Variants in ZBTB16 observed in about 807,000 individuals in gnomAD.
The protein encoded by ZBTB16 is zinc finger and BTB domain containing 16.
A neutral mutation model predicts 56.8 loss-of-function variants in ZBTB16; 8 were observed. That is an observed-to-expected ratio of 0.14 (90% CI 0.08 to 0.25). The LOEUF is 0.25. ZBTB16 is among the 10% of genes least tolerant of loss of function. ZBTB16 has a pLI of 1.00. For synonymous variants in ZBTB16, 363 were observed against 368.5 expected (o/e 0.98, Z 0.17); for missense variants, 625 against 903.0 (o/e 0.69, Z 3.95).
chr11:114,109,720 C>T (rs1031583702), intron 2 of ZBTB16, among the ~76,000 whole-genome samples: 22 of 152,038 alleles, frequency 1.4e-4, no homozygotes, highest in Non-Finnish European at 4.4e-5. Flanking sequence ...AGGGATTGAA[C>T]TCAGAGAGAG....
intron 4 of ZBTB16, among the ~76,000 whole-genome samples, chr11:114,215,956 C>A (rs1295474133): frequency 6.6e-6 from 1 of 152,062 alleles, no homozygotes; most frequent in African/African-American, 2.4e-5. Context: ...AATGGAAGGG[C>A]TTTTGGAGGA....
intron 2 of ZBTB16, among the ~76,000 whole-genome samples, chr11:114,078,742 G>T (rs117371594): frequency 6.6e-6 from 1 of 152,076 alleles, no homozygotes; most frequent in Non-Finnish European, 1.5e-5. Context: ...TCTAGGAGGG[G>T]GCGGGCGTGG....
At chr11:114,211,570 G>A (rs1565688340) in intron 4 of ZBTB16, among the ~76,000 whole-genome samples, 1 of 152,208 alleles carries the variant, frequency 6.6e-6, no homozygotes, top group Non-Finnish European at 1.5e-5. Context: ...ATTGTCATCA[G>A]TATCATCCTT....
At chr11:114,233,487 A>G (rs1256483266) in intron 4 of ZBTB16, among the ~76,000 whole-genome samples, 2 of 151,996 alleles carry the variant, frequency 1.3e-5, no homozygotes, top group African/African-American at 2.4e-5. Flanking sequence ...AGAAAGGGCA[A>G]CGCAGCGTAG....
At chr11:114,229,974 A>G (rs982399120) in intron 4 of ZBTB16, among the ~76,000 whole-genome samples, 3 of 152,278 alleles carry the variant, frequency 2.0e-5, no homozygotes, top group African/African-American at 4.8e-5. Context: ...GAACGCAGTG[A>G]AATCAGAATC....
At chr11:114,082,186 G>A (rs917655989) in intron 2 of ZBTB16, among the ~76,000 whole-genome samples, 33 of 152,040 alleles carry the variant, frequency 2.2e-4, no homozygotes, top group African/African-American at 8.0e-4. Context: ...TGGCTGAAGA[G>A]GGAGGATGGC....
In ZBTB16 at chr11:114,253,336, G is replaced by A. The variant is rs750695354; in HGVS notation, c.*2781G>A. 1.3e-5 allele frequency among the ~76,000 whole-genome samples: 2 copies of A among 152,114 alleles called. No individual in the cohort carries two copies. Among genetic ancestry groups the A allele is most frequent in the African/African-American group, 2.4e-5 (1 of 41,422 alleles). ...AATCTTCACAAATTGTAATATTTTT[G>A]TAGTATCTGTTAGTTCCTTCGTCAG... is the stretch of plus-strand genomic sequence containing the variant. On this transcript the variant is annotated 3_prime_UTR_variant, in exon 7 of 7. Transcript: ENST00000335953.
Position 114,064,772 on chromosome 11 carries a change from A to C in ZBTB16, c.1268+204A>C, listed in dbSNP as rs183215454. ...TGAGGGGGCCTAGGATCTTTCCAAA[A>C]AGCACCAGGGGACACTCATGGGCGC... On this transcript the variant is annotated intron_variant, in intron 2 of 6. Coordinates refer to ENST00000335953, the MANE Select transcript of ZBTB16 (RefSeq NM_006006.6). This position sits in a 1 kb window ranked among gnomAD's most constrained non-coding sequence, Gnocchi z 4.2. Among the ~76,000 whole-genome samples the C allele has an allele frequency of 1.6e-3, 251 of 152,262 alleles. 1 individual carries two copies. Among genetic ancestry groups the C allele is most frequent in the African/African-American group, 5.7e-3 (235 of 41,546 alleles).
At chr11:114,065,714 T>C (rs1401953612) in intron 2 of ZBTB16, among the ~76,000 whole-genome samples, 1 of 152,134 alleles carries the variant, frequency 6.6e-6, no homozygotes, top group Non-Finnish European at 1.5e-5. Context: ...CGTGTCCAGC[T>C]GGTAATGTCC....
intron 3 of ZBTB16, among the ~76,000 whole-genome samples, chr11:114,176,017 G>A (rs1183646670): frequency 6.6e-6 from 1 of 151,878 alleles, no homozygotes; most frequent in African/African-American, 2.4e-5. Flanking sequence ...GTGTGTGTGT[G>A]TGTGTGTATG....
rs775356488 is a variant in ZBTB16 at position 114,242,322 on chromosome 11, C to T, written c.1609C>T (p.Leu537=). 22 of 1,613,656 alleles carry T rather than the reference C, an allele frequency of 1.4e-5. No individual in the cohort carries two copies. The Middle Eastern group carries it at 1.0e-3, about 74-fold the overall frequency. The change falls in exon 5 of 7, where the codon CTG becomes TTG. Residue 537 remains leucine, a synonymous_variant. Coordinates refer to ENST00000335953, the MANE Select transcript of ZBTB16 (RefSeq NM_006006.6). The part of the protein sequence containing the change: ...FPSHTALKRH[L]RSHTGDHPYE... The stretch of plus-strand genomic sequence containing the variant: ...CAGCCACACGGCTCTCAAACGCCAC[C>T]TGCGCTCACATACAGGTAGGTCAGT...
chr11:114,238,994 C>T (rs1944650142), intron 4 of ZBTB16, among the ~76,000 whole-genome samples: 1 of 152,196 alleles, frequency 6.6e-6, no homozygotes, highest in African/African-American at 2.4e-5. Flanking sequence ...CTCTGCTCAG[C>T]CTTAGCCTGC....
At position 114,143,269 on chromosome 11, in the gene ZBTB16, C is replaced by T. The variant is rs925237370; in HGVS notation, c.1269-13068C>T. Among the ~76,000 whole-genome samples, 7 of 152,310 alleles carry T rather than the reference C, an allele frequency of 4.6e-5. No homozygotes were observed. Among genetic ancestry groups the T allele is most frequent in the Admixed American group, 1.3e-4 (2 of 15,302 alleles). On this transcript the variant is annotated intron_variant, in intron 2 of 6. Transcript: ENST00000335953. The surrounding 1 kb of genome is among the most constrained non-coding windows in gnomAD (Gnocchi z 6.4). ...CCCTCATCCATCCACTAATGCTGTG[C>T]CCTTTGCAAGGCTTGAGAATACAAG...
chr11:114,194,880 C>T (rs1157388157), intron 4 of ZBTB16, among the ~76,000 whole-genome samples: 1 of 152,154 alleles, frequency 6.6e-6, no homozygotes, highest in African/African-American at 2.4e-5. Context: ...ATTTGACACA[C>T]GGACACTATC....
At chr11:114,138,503 A>C (rs1401200051) in intron 2 of ZBTB16, among the ~76,000 whole-genome samples, 1 of 151,986 alleles carries the variant, frequency 6.6e-6, no homozygotes, top group East Asian at 1.9e-4. Flanking sequence ...TCTTTTACAT[A>C]CATATGTCTT....
intron 6 of ZBTB16, among the ~76,000 whole-genome samples, chr11:114,247,608 G>GC (rs1170761256): frequency 6.6e-6 from 1 of 152,200 alleles, no homozygotes. Context: ...TTTCCAGTGA[G>GC]CCCCCATCAG....
intron 4 of ZBTB16, among the ~76,000 whole-genome samples, chr11:114,198,924 T>C (rs1332120699): frequency 6.6e-6 from 1 of 152,210 alleles, no homozygotes; most frequent in Non-Finnish European, 1.5e-5. Context: ...CCCCAGCACA[T>C]TTTATATGAA....
chr11:114,138,505 A>T (rs890637628), intron 2 of ZBTB16, among the ~76,000 whole-genome samples: 1 of 151,958 alleles, frequency 6.6e-6, no homozygotes, highest in Non-Finnish European at 1.5e-5. Flanking sequence ...TTTTACATAC[A>T]TATGTCTTGC....
intron 4 of ZBTB16, among the ~76,000 whole-genome samples, chr11:114,210,441 G>A (rs1344733696): frequency 6.6e-6 from 1 of 152,146 alleles, no homozygotes; most frequent in Non-Finnish European, 1.5e-5. Context: ...CAACAGCCGA[G>A]CATCCCCGTT....
Sources: allele counts gnomAD v4.1 joint callset (sites outside exome capture counted in the v4.1 genomes callset), GRCh38; gene constraint gnomAD v4.1.1; non-coding constraint Gnocchi (gnomAD v3.1); transcripts MANE v1.5; gene names NCBI Gene and HGNC (gene_info 2026-07-23, HGNC 2026-07-21).